Variants in LINGO2 observed in about 807,000 individuals in gnomAD.
LINGO2 encodes leucine-rich repeat and immunoglobulin-like domain-containing nogo receptor-interacting protein 2.
LINGO2 carries 14 observed loss-of-function variants against 30.6 expected under a neutral mutation model. That is an observed-to-expected ratio of 0.46 (90% CI 0.30 to 0.72). The LOEUF (loss-of-function observed/expected upper bound fraction) is 0.72. Among genes scored for constraint, LINGO2 ranks in the 30% least tolerant of loss-of-function variants. The pLI, the probability that LINGO2 is intolerant of heterozygous loss-of-function variation, is 0.07. For missense variants in LINGO2, 729 were observed against 751.7 expected (o/e 0.97, Z 0.35); for synonymous variants, 317 against 288.5 (o/e 1.10, Z -1.00).
the LINGO2 span, among the ~76,000 whole-genome samples, chr9:28,897,630 T>C: frequency 6.6e-6 from 1 of 152,172 alleles, no homozygotes; most frequent in African/African-American, 2.4e-5. Flanking sequence ...ATATTTTCTA[T>C]TAGTTATGCA....
chr9:28,177,620 A>C (rs1828784377), intron 4 of LINGO2, among the ~76,000 whole-genome samples: 1 of 152,176 alleles, frequency 6.6e-6, no homozygotes, highest in Admixed American at 6.5e-5. Flanking sequence ...TGACACATTA[A>C]ATGTTCCAAC....
the LINGO2 span, among the ~76,000 whole-genome samples, chr9:28,830,335 G>A: frequency 6.6e-6 from 1 of 152,248 alleles, no homozygotes; most frequent in South Asian, 2.1e-4. Context: ...GGGCCAGGCA[G>A]GGGAGAATAA....
intron 4 of LINGO2, among the ~76,000 whole-genome samples, chr9:28,046,860 C>T (rs1299787692): frequency 6.6e-6 from 1 of 152,216 alleles, no homozygotes; most frequent in Non-Finnish European, 1.5e-5. Flanking sequence ...CATAAACTGA[C>T]GTGTATCTAT....
intron 5 of LINGO2, among the ~76,000 whole-genome samples, chr9:28,011,471 A>G (rs1326671349): frequency 2.0e-5 from 3 of 152,188 alleles, no homozygotes; most frequent in African/African-American, 4.8e-5. Flanking sequence ...GTAACTTTTA[A>G]GGACAGTAAG....
At chr9:28,143,092 C>A (rs986968480) in intron 4 of LINGO2, among the ~76,000 whole-genome samples, 19 of 152,162 alleles carry the variant, frequency 1.2e-4, no homozygotes, top group African/African-American at 3.6e-4. Context: ...CCACATCTTA[C>A]CTGCAGAGGC....
At chr9:28,001,519 C>T (rs1423909147) in intron 5 of LINGO2, among the ~76,000 whole-genome samples, 2 of 142,814 alleles carry the variant, frequency 1.4e-5, no homozygotes, top group Non-Finnish European at 3.2e-5. Context: ...CAATCTTCTG[C>T]GCCTGTGTTA....
intron 1 of LINGO2, among the ~76,000 whole-genome samples, chr9:28,486,416 C>T (rs1014198418): frequency 6.6e-6 from 1 of 152,056 alleles, no homozygotes; most frequent in Non-Finnish European, 1.5e-5. Flanking sequence ...CTGACAAAAA[C>T]TAGGGTTCCT....
rs369885364 is a variant in LINGO2 at position 28,026,039 on chromosome 9, T to C, written c.-86-13634A>G. ...CATCCTCATCCAGTCTCCTGTTGCCTTTACTTACTGTGTTCTAGCTACTGA... is the reference window on the plus strand; with the variant it reads ...CATCCTCATCCAGTCTCCTGTTGCCCTTACTTACTGTGTTCTAGCTACTGA... On this transcript the variant is annotated intron_variant, in intron 4 of 5. Coordinates refer to ENST00000379992, the Ensembl canonical transcript of LINGO2. Among the ~76,000 whole-genome samples, 27 of 152,332 alleles carry C rather than the reference T, an allele frequency of 1.8e-4. No individual in the cohort carries two copies. In the East Asian group the frequency reaches 1.9e-3, roughly 11 times the overall value.
the LINGO2 span, among the ~76,000 whole-genome samples, chr9:28,821,692 C>T: frequency 6.6e-6 from 1 of 152,244 alleles, no homozygotes; most frequent in East Asian, 1.9e-4. Flanking sequence ...GCAGCCCATA[C>T]CACAGAGTAA....
At chr9:28,953,638 G>A in the LINGO2 span, among the ~76,000 whole-genome samples, 4 of 151,986 alleles carry the variant, frequency 2.6e-5, no homozygotes, top group Non-Finnish European at 5.9e-5. Context: ...TTCAACCTGT[G>A]TGATATATTA....
At chr9:28,584,285 A>G (rs539510438) in intron 1 of LINGO2, among the ~76,000 whole-genome samples, 1 of 152,098 alleles carries the variant, frequency 6.6e-6, no homozygotes, top group African/African-American at 2.4e-5. Flanking sequence ...GTATTGTTCA[A>G]TTCTTTCACA....
intron 2 of LINGO2, among the ~76,000 whole-genome samples, chr9:28,408,887 G>T (rs1263279709): frequency 6.6e-6 from 1 of 151,870 alleles, no homozygotes; most frequent in African/African-American, 2.4e-5. Context: ...AAAAAGGGAA[G>T]AATTTAGAAA....
chr9:28,466,472 G>C (rs1461159373), intron 2 of LINGO2, among the ~76,000 whole-genome samples: 1 of 152,086 alleles, frequency 6.6e-6, no homozygotes, highest in African/African-American at 2.4e-5. Context: ...GGTGGAAGAG[G>C]GGGAGGTGGT....
intron 1 of LINGO2, among the ~76,000 whole-genome samples, chr9:28,615,589 G>A (rs1826102595): frequency 6.6e-6 from 1 of 151,950 alleles, no homozygotes; most frequent in African/African-American, 2.4e-5. Context: ...TATAACAATA[G>A]CAAAACAAAG....
the LINGO2 span, among the ~76,000 whole-genome samples, chr9:29,137,864 G>T: frequency 6.6e-6 from 1 of 151,958 alleles, no homozygotes; most frequent in Admixed American, 6.6e-5. Flanking sequence ...GAAACTATCT[G>T]CATCTCAATT....
chr9:28,649,372 C>G (rs1827984884), intron 1 of LINGO2, among the ~76,000 whole-genome samples: 3 of 152,106 alleles, frequency 2.0e-5, no homozygotes, highest in Admixed American at 6.6e-5. Flanking sequence ...ATCCTCATAA[C>G]AGTTCTAAAA....
chr9:28,104,267 T>TG (rs1491290546), intron 4 of LINGO2, among the ~76,000 whole-genome samples: 186 of 17,784 alleles, frequency 0.01, no homozygotes, highest in African/African-American at 0.042. Context: ...TTTTTGTTTG[T>TG]TTTTTTTTTT....
intron 4 of LINGO2, among the ~76,000 whole-genome samples, chr9:28,028,411 A>AC (rs1823490910): frequency 1.3e-5 from 2 of 152,176 alleles, no homozygotes; most frequent in African/African-American, 4.8e-5. Flanking sequence ...GATATTACGG[A>AC]CATCTACAGT....
the LINGO2 span, among the ~76,000 whole-genome samples, chr9:28,753,349 C>T: frequency 2.0e-5 from 3 of 152,044 alleles, no homozygotes; most frequent in Non-Finnish European, 2.9e-5. Flanking sequence ...AAAAGTATTT[C>T]GTTCATTCAA....
Sources: allele counts gnomAD v4.1 joint callset (sites outside exome capture counted in the v4.1 genomes callset), GRCh38; gene constraint gnomAD v4.1.1; transcripts MANE v1.5; gene names NCBI Gene and HGNC (gene_info 2026-07-23, HGNC 2026-07-21).